RTN1: variants seen among roughly 807,000 people sequenced by gnomAD.
RTN1 encodes the protein reticulon-1.
Under a neutral mutation model 65.5 loss-of-function variants are expected in RTN1, and 25 were observed. That is an observed-to-expected ratio of 0.38 (90% CI 0.28 to 0.53). The LOEUF is 0.53. Among genes scored for constraint, RTN1 ranks in the 20% least tolerant of loss-of-function variants. The pLI, the probability that RTN1 is intolerant of heterozygous loss-of-function variation, is 0.79. For synonymous variants in RTN1, 471 were observed against 447.6 expected, an observed-to-expected ratio of 1.05 and a Z score of -0.66; for missense variants, 983 against 1,025.4, an observed-to-expected ratio of 0.96 and a Z score of 0.57.
At position 59,717,041 on chromosome 14, in the gene RTN1, T is replaced by G. The variant is rs139437674; in HGVS notation, c.1765+9878A>C. Among the ~76,000 whole-genome samples the G allele has an allele frequency of 1.9e-4, 28 of 151,292 alleles. No homozygotes were observed. The East Asian group carries it at 3.3e-3, about 18-fold the overall frequency. On this transcript the variant is annotated intron_variant, in intron 3 of 8. Transcript: ENST00000267484. ...GAATATTTTCATGGCAACCACTGGA[T>G]GGCAATAGACATTAACAGTGAGTGG... is the stretch of plus-strand genomic sequence containing the variant.
chr14:59,669,664 T>C (rs1313982723), intron 3 of RTN1, among the ~76,000 whole-genome samples: 1 of 152,020 alleles, frequency 6.6e-6, no homozygotes, highest in Non-Finnish European at 1.5e-5. Context: ...CATGAGGAGA[T>C]GATGATGAGG....
At chr14:59,676,412 A>G (rs1260055651) in intron 3 of RTN1, among the ~76,000 whole-genome samples, 1 of 152,232 alleles carries the variant, frequency 6.6e-6, no homozygotes, top group African/African-American at 2.4e-5. Context: ...AGTGGTGGCA[A>G]TTAGAGAACA....
At chr14:59,748,025 C>A (rs1885264673) in intron 1 of RTN1, among the ~76,000 whole-genome samples, 1 of 152,010 alleles carries the variant, frequency 6.6e-6, no homozygotes, top group African/African-American at 2.4e-5. Flanking sequence ...TCAAAGCAAT[C>A]CTAGAAGGTT....
intron 1 of RTN1, among the ~76,000 whole-genome samples, chr14:59,788,490 A>G (rs1886291671): frequency 1.3e-5 from 2 of 152,044 alleles, no homozygotes; most frequent in Admixed American, 1.3e-4. Flanking sequence ...TTTGTTTTTC[A>G]TGTTTGTTTG....
At chr14:59,629,926 G>A (rs967783872) in intron 3 of RTN1, among the ~76,000 whole-genome samples, 7 of 152,170 alleles carry the variant, frequency 4.6e-5, no homozygotes, top group African/African-American at 1.7e-4. Flanking sequence ...CATATTTTCA[G>A]GATTTCGAGA....
At chr14:59,775,146 A>C (rs1886027800) in intron 1 of RTN1, among the ~76,000 whole-genome samples, 1 of 152,154 alleles carries the variant, frequency 6.6e-6, no homozygotes, top group African/African-American at 2.4e-5. Context: ...GACTGAGTTA[A>C]GAGGGGAGTA....
chr14:59,693,392 G>A (rs1883999988), intron 3 of RTN1, among the ~76,000 whole-genome samples: 1 of 151,964 alleles, frequency 6.6e-6, no homozygotes, highest in African/African-American at 2.4e-5. Context: ...GGAACAGGTG[G>A]TGTTTGGTTA....
chr14:59,643,885 T>C (rs1049864601), intron 3 of RTN1, among the ~76,000 whole-genome samples: 2 of 138,510 alleles, frequency 1.4e-5, no homozygotes, highest in Non-Finnish European at 3.2e-5. Context: ...GAATGATCCA[T>C]ACTCAAGAAA....
intron 1 of RTN1, among the ~76,000 whole-genome samples, chr14:59,835,253 A>T (rs1482033253): frequency 6.6e-6 from 1 of 152,186 alleles, no homozygotes; most frequent in African/African-American, 2.4e-5. Context: ...TAGACAAAAA[A>T]AAAATAGCAT....
intron 6 of RTN1, 148 bp from the exon 7 acceptor site, chr14:59,603,406 G>T: frequency 1.6e-6 from 1 of 611,802 alleles, no homozygotes; most frequent in Non-Finnish European, 2.7e-6. Context: ...ATTTTGAGAA[G>T]CAATATCCAG....
chr14:59,787,455 T>G (rs1252766314), intron 1 of RTN1, among the ~76,000 whole-genome samples: 1 of 152,230 alleles, frequency 6.6e-6, no homozygotes, highest in African/African-American at 2.4e-5. Context: ...CTTCACACAG[T>G]GTTCTCTCCT....
intron 3 of RTN1, among the ~76,000 whole-genome samples, chr14:59,693,448 C>T (rs549325284): frequency 2.0e-5 from 3 of 152,116 alleles, no homozygotes; most frequent in African/African-American, 4.8e-5. Flanking sequence ...TTGGTGCACC[C>T]ATCACCCAAG....
intron 3 of RTN1, among the ~76,000 whole-genome samples, chr14:59,624,478 T>C (rs1469099342): frequency 1.3e-5 from 2 of 151,932 alleles, no homozygotes; most frequent in African/African-American, 2.4e-5. Flanking sequence ...TTTTTTTTTT[T>C]TGAGACGGCG....
intron 3 of RTN1, among the ~76,000 whole-genome samples, chr14:59,664,205 A>T (rs1198752043): frequency 2.6e-5 from 4 of 152,148 alleles, no homozygotes; most frequent in Admixed American, 2.6e-4. Context: ...TTCTCGGCAA[A>T]CTAACACAGG....
At chr14:59,634,700 T>C (rs1054277751) in intron 3 of RTN1, among the ~76,000 whole-genome samples, 11 of 152,190 alleles carry the variant, frequency 7.2e-5, no homozygotes, top group Middle Eastern at 6.8e-3. Context: ...CATAAATAGA[T>C]AAATGCAATA....
intron 3 of RTN1, among the ~76,000 whole-genome samples, chr14:59,714,250 AAAAAT>A (rs1474581437): frequency 2.2e-4 from 34 of 152,190 alleles, no homozygotes; most frequent in Non-Finnish European, 4.1e-4. Context: ...AAAAAAAAAA[AAAAAT>A]AGACTAATTT....
chr14:59,700,304 C>T (rs1401850374), intron 3 of RTN1, among the ~76,000 whole-genome samples: 1 of 152,086 alleles, frequency 6.6e-6, no homozygotes, highest in Non-Finnish European at 1.5e-5. Context: ...GGCAGTACTC[C>T]TCAAACTACA....
chr14:59,828,275 C>T (rs568624259), intron 1 of RTN1, among the ~76,000 whole-genome samples: 21 of 152,310 alleles, frequency 1.4e-4, no homozygotes, highest in Non-Finnish European at 2.1e-4. Context: ...TCTAATCATT[C>T]TCTCAATATT....
At chr14:59,649,611 A>G (rs1271718725) in intron 3 of RTN1, among the ~76,000 whole-genome samples, 1 of 152,248 alleles carries the variant, frequency 6.6e-6, no homozygotes, top group Non-Finnish European at 1.5e-5. Flanking sequence ...ACACTTCTCA[A>G]AAGAAGACAT....
Sources: gnomAD v4.1 joint callset for allele counts (sites outside exome capture counted in the v4.1 genomes callset) on GRCh38, gnomAD v4.1.1 for gene constraint, MANE v1.5 for transcripts, NCBI Gene and HGNC (gene_info 2026-07-23, HGNC 2026-07-21) for gene names.